Variants in CREB5 observed in about 807,000 individuals in gnomAD.
CREB5 encodes cyclic AMP-responsive element-binding protein 5.
In CREB5, 19 loss-of-function variants were observed where a neutral mutation model predicts 57.1. The observed-to-expected ratio is 0.33, with a 90% CI of 0.23 to 0.49. CREB5 has a LOEUF of 0.49. CREB5 is among the 20% of genes least tolerant of loss of function. The pLI is 0.99. For missense variants in CREB5, 579 were observed against 671.6 expected (o/e 0.86, Z 1.52); for synonymous variants, 238 against 238.3 (o/e 1.00, Z 0.01).
At chr7:28,365,523 C>G (rs1157424845) in intron 1 of CREB5, among the ~76,000 whole-genome samples, 1 of 152,180 alleles carries the variant, frequency 6.6e-6, no homozygotes, top group South Asian at 2.1e-4. Flanking sequence ...TCTCCCTTCT[C>G]TTGATCCCAT....
At chr7:28,670,139 C>T (rs1799972717) in intron 5 of CREB5, among the ~76,000 whole-genome samples, 1 of 152,202 alleles carries the variant, frequency 6.6e-6, no homozygotes, top group Non-Finnish European at 1.5e-5. Flanking sequence ...TGTGATCATA[C>T]CGAACCCTCT....
At chr7:28,622,547 T>C (rs1797846445) in intron 5 of CREB5, among the ~76,000 whole-genome samples, 1 of 152,230 alleles carries the variant, frequency 6.6e-6, no homozygotes, top group African/African-American at 2.4e-5. Flanking sequence ...TTTCTTAAAA[T>C]TGTGTTCTGT....
intron 1 of CREB5, among the ~76,000 whole-genome samples, chr7:28,485,599 C>T (rs948455010): frequency 2.0e-5 from 3 of 152,038 alleles, no homozygotes; most frequent in Non-Finnish European, 4.4e-5. Context: ...ACAAGGAATG[C>T]GGTTGCTGAA....
intron 7 of CREB5, among the ~76,000 whole-genome samples, chr7:28,733,430 C>G (rs763563696): frequency 2.0e-5 from 3 of 152,212 alleles, no homozygotes; most frequent in East Asian, 1.9e-4. Context: ...CCAGGACCCC[C>G]TCTCAGGAGC....
chr7:28,580,429 C>CCACACACACACA (rs70977058), intron 5 of CREB5, among the ~76,000 whole-genome samples: 2,715 of 130,888 alleles, frequency 0.021, 47 homozygotes, highest in South Asian at 0.028. Context: ...TCCCCCCCCA[C>CCACACACACACA]CACACACACA....
chr7:28,390,281 T>C (rs1787190874), intron 1 of CREB5, among the ~76,000 whole-genome samples: 1 of 152,198 alleles, frequency 6.6e-6, no homozygotes, highest in Admixed American at 6.5e-5. Context: ...TGAAAGCTCA[T>C]GTAGATAGTG....
In CREB5 at chr7:28,446,145, G is replaced by A. The variant is rs564875398; in HGVS notation, c.3+33228G>A. Among the ~76,000 whole-genome samples the A allele has an allele frequency of 7.0e-4, 106 of 152,174 alleles. 3 individuals carry two copies. The South Asian group carries it at 0.021, about 30-fold the overall frequency. ...CGTCCCCTCCCACTTTATTCCCTTC[G>A]ACAGTCTGCCCACTGTTTCCTTGTT... On this transcript the variant is annotated intron_variant, in intron 1 of 10. Transcript: ENST00000357727.
At chr7:28,786,887 G>T (rs1807361258) in intron 7 of CREB5, among the ~76,000 whole-genome samples, 1 of 152,124 alleles carries the variant, frequency 6.6e-6, no homozygotes, top group Non-Finnish European at 1.5e-5. Context: ...AGAATGTCAG[G>T]GCTAAAGCTT....
chr7:28,338,923 C>T (rs1476396965), intron 1 of CREB5, among the ~76,000 whole-genome samples: 1 of 151,956 alleles, frequency 6.6e-6, no homozygotes, highest in Non-Finnish European at 1.5e-5. Flanking sequence ...ATGCGTTCTC[C>T]AGTTTGTCAA....
At chr7:28,777,274 G>A (rs1806716285) in intron 7 of CREB5, among the ~76,000 whole-genome samples, 1 of 152,174 alleles carries the variant, frequency 6.6e-6, no homozygotes, top group Admixed American at 6.5e-5. Flanking sequence ...GTACAGTGAT[G>A]TGCTACTATC....
At chr7:28,520,702 A>G (rs1420676499) in intron 4 of CREB5, among the ~76,000 whole-genome samples, 9 of 152,260 alleles carry the variant, frequency 5.9e-5, no homozygotes, top group South Asian at 2.1e-4. Flanking sequence ...AAATCTTGGC[A>G]GTCTCTTCAG....
intron 1 of CREB5, among the ~76,000 whole-genome samples, chr7:28,343,689 T>C (rs1785979827): frequency 6.6e-6 from 1 of 152,188 alleles, no homozygotes; most frequent in African/African-American, 2.4e-5. Flanking sequence ...ATGCAGGTAT[T>C]TCTTTGACAT....
chr7:28,387,003 GT>G (rs1787121223), intron 1 of CREB5, among the ~76,000 whole-genome samples: 1 of 152,206 alleles, frequency 6.6e-6, no homozygotes, highest in East Asian at 1.9e-4. Flanking sequence ...TTGATTACAT[GT>G]CTTTACTATT....
At chr7:28,751,433 G>T (rs1445836178) in intron 7 of CREB5, among the ~76,000 whole-genome samples, 1 of 152,196 alleles carries the variant, frequency 6.6e-6, no homozygotes, top group Non-Finnish European at 1.5e-5. Flanking sequence ...GCAAAGACAG[G>T]TTAAATTCGC....
In CREB5 at chr7:28,494,931, T is replaced by A; in HGVS notation, c.101T>A (p.Met34Lys). The change falls in exon 3 of 11, where the codon ATG becomes AAG. Residue 34 changes from methionine to lysine, a missense_variant. Physicochemically the swap from Met to Lys is moderately conservative, Grantham distance 95. Coordinates refer to ENST00000357727, the MANE Select transcript of CREB5 (RefSeq NM_182898.4). Reference sequence around the variant, plus strand: ...CGCTTCCCAACAGAGGACCATCTGATGATTCATAGGCACAAACATGAAATG... The same window carrying A: ...CGCTTCCCAACAGAGGACCATCTGAAGATTCATAGGCACAAACATGAAATG... ...SQRFPTEDHL[M>K]IHRHKHEMTL... 1 of 1,606,198 alleles carries A rather than the reference T, an allele frequency of 6.2e-7. No homozygotes were observed. Among genetic ancestry groups the A allele is most frequent in the Non-Finnish European group, 8.5e-7 (1 of 1,178,338 alleles).
At chr7:28,502,671 T>C (rs1233957187) in intron 3 of CREB5, among the ~76,000 whole-genome samples, 1 of 152,270 alleles carries the variant, frequency 6.6e-6, no homozygotes, top group Non-Finnish European at 1.5e-5. Context: ...ATCAGTTTCA[T>C]GCCATATGAT....
At chr7:28,413,882 T>C (rs918133387) in intron 1 of CREB5, among the ~76,000 whole-genome samples, 3 of 152,184 alleles carry the variant, frequency 2.0e-5, no homozygotes, top group African/African-American at 7.2e-5. Flanking sequence ...TCAAAACCAA[T>C]CAATCATGGA....
At chr7:28,466,210 TAA>T (rs5883134) in intron 1 of CREB5, among the ~76,000 whole-genome samples, 2,300 of 94,732 alleles carry the variant, frequency 0.024, 42 homozygotes, top group Middle Eastern at 0.067. Flanking sequence ...TGACTGGAGT[TAA>T]AAAAAAAAAA....
rs1352257759 is a variant in CREB5, at chr7:28,637,419, A to G, written c.464+66882A>G. 2.0e-5 allele frequency among the ~76,000 whole-genome samples: 3 copies of G among 152,162 alleles called. No individual in the cohort carries two copies. In the East Asian group the frequency reaches 5.8e-4, roughly 29 times the overall value. On this transcript the variant is annotated intron_variant, in intron 5 of 10. Transcript: ENST00000357727. ...TCAAAATGCTCACAGATTAGTGAGA[A>G]TGGCTGATAAAAAACAAGATACAAT...
Sources: gnomAD v4.1 joint callset for allele counts (sites outside exome capture counted in the v4.1 genomes callset) on GRCh38, gnomAD v4.1.1 for gene constraint, MANE v1.5 for transcripts, NCBI Gene and HGNC (gene_info 2026-07-23, HGNC 2026-07-21) for gene names.